The following WDPCP variants were observed in gnomAD, a reference collection of about 807,000 sequenced individuals.
WDPCP encodes the protein WD repeat-containing and planar cell polarity effector protein fritz homolog.
WDPCP carries 71 observed loss-of-function variants against 93.1 expected under a neutral mutation model. The observed-to-expected ratio is 0.76, with a 90% CI of 0.63 to 0.93. WDPCP has a LOEUF of 0.93. Among genes scored for constraint, WDPCP ranks in the 40% least tolerant of loss-of-function variants. WDPCP has a pLI of 0.00. For missense variants in WDPCP, 844 were observed against 887.4 expected (o/e 0.95, Z 0.62); for synonymous variants, 315 against 315.0 (o/e 1.00, Z 0.00).
intron 1 of WDPCP, among the ~76,000 whole-genome samples, chr2:63,821,438 C>A (rs1332829561): frequency 6.6e-6 from 1 of 152,146 alleles, no homozygotes; most frequent in African/African-American, 2.4e-5. Flanking sequence ...CTCCTGTGTT[C>A]CTTTGAGTGT....
intron 13 of WDPCP, among the ~76,000 whole-genome samples, chr2:63,275,594 A>T (rs1272442569): frequency 6.6e-6 from 1 of 152,252 alleles, no homozygotes; most frequent in South Asian, 2.1e-4. Context: ...CTATATATCA[A>T]TAATGAACTA....
intron 13 of WDPCP, among the ~76,000 whole-genome samples, chr2:63,299,886 T>A (rs1003841560): frequency 2.0e-5 from 3 of 152,092 alleles, no homozygotes; most frequent in Non-Finnish European, 2.9e-5. Flanking sequence ...AGCTGGGAGC[T>A]TGCATGGATG....
intron 9 of WDPCP, among the ~76,000 whole-genome samples, chr2:63,418,591 A>G (rs1369151817): frequency 2.0e-5 from 3 of 152,180 alleles, no homozygotes; most frequent in Admixed American, 1.3e-4. Context: ...TCTAATAACT[A>G]AAGAGTCTTA....
chr2:63,514,931 G>A (rs553180226), intron 1 of WDPCP, among the ~76,000 whole-genome samples: 3 of 152,128 alleles, frequency 2.0e-5, no homozygotes, highest in African/African-American at 7.2e-5. Context: ...AATTAGCCAG[G>A]GCCAGGGCTG....
At chr2:63,834,040 T>G in the WDPCP span, among the ~76,000 whole-genome samples, 12 of 152,348 alleles carry the variant, frequency 7.9e-5, no homozygotes, top group African/African-American at 2.9e-4. Flanking sequence ...GTTTTATTCC[T>G]TCTCACTAGG....
intron 2 of WDPCP, among the ~76,000 whole-genome samples, chr2:63,653,068 G>A (rs150152091): frequency 2.0e-5 from 3 of 152,200 alleles, no homozygotes; most frequent in Non-Finnish European, 2.9e-5. Context: ...CTTCCTGGAA[G>A]CAATTTCCTG....
chr2:63,577,687 C>A (rs1708208984), intron 1 of WDPCP, among the ~76,000 whole-genome samples: 1 of 152,056 alleles, frequency 6.6e-6, no homozygotes, highest in African/African-American at 2.4e-5. Flanking sequence ...TATATCCCCT[C>A]TAAAATTTTA....
At chr2:63,575,354 A>G (rs1244153625) in intron 1 of WDPCP, among the ~76,000 whole-genome samples, 4 of 111,026 alleles carry the variant, frequency 3.6e-5, no homozygotes, top group Admixed American at 2.6e-4. Flanking sequence ...TGTATATGGT[A>G]TATACAGTAT....
At chr2:63,725,507 A>G (rs570649837) in intron 2 of WDPCP, among the ~76,000 whole-genome samples, 1 of 152,292 alleles carries the variant, frequency 6.6e-6, no homozygotes, top group South Asian at 2.1e-4. Context: ...CAATGAATAT[A>G]TACATGCATG....
intron 17 of WDPCP, among the ~76,000 whole-genome samples, chr2:63,127,463 G>T (rs1422956647): frequency 6.6e-6 from 1 of 151,782 alleles, no homozygotes; most frequent in Admixed American, 6.6e-5. Context: ...AGGAAAGAAT[G>T]AGAATAGTTT....
At chr2:63,490,849 G>A (rs1261847525) in intron 2 of WDPCP, among the ~76,000 whole-genome samples, 3 of 152,186 alleles carry the variant, frequency 2.0e-5, no homozygotes, top group Non-Finnish European at 2.9e-5. Context: ...AGCTGGGTAG[G>A]AAGATAAGTG....
intron 2 of WDPCP, among the ~76,000 whole-genome samples, chr2:63,789,073 T>C (rs1670508156): frequency 6.6e-6 from 1 of 152,144 alleles, no homozygotes; most frequent in South Asian, 2.1e-4. Context: ...ACAACTATTT[T>C]TATTTCTATA....
intron 1 of WDPCP, among the ~76,000 whole-genome samples, chr2:63,543,096 T>C (rs1048002393): frequency 6.6e-6 from 1 of 152,124 alleles, no homozygotes; most frequent in African/African-American, 2.4e-5. Flanking sequence ...TTTCCAAAAA[T>C]GCTGTGATTT....
At chr2:63,406,990 G>A (rs371197726) in intron 9 of WDPCP, among the ~76,000 whole-genome samples, 9 of 152,062 alleles carry the variant, frequency 5.9e-5, no homozygotes, top group East Asian at 3.9e-4. Context: ...CAAAAATGCC[G>A]TTATTTGGGG....
chr2:63,813,296 G>C (rs972819031), intron 2 of WDPCP, among the ~76,000 whole-genome samples: 3 of 152,202 alleles, frequency 2.0e-5, no homozygotes, highest in African/African-American at 7.2e-5. Flanking sequence ...AGAAGCACAG[G>C]TTTCAGGAGA....
At chr2:63,137,450 G>T (rs561336532) in intron 17 of WDPCP, among the ~76,000 whole-genome samples, 1 of 152,104 alleles carries the variant, frequency 6.6e-6, no homozygotes, top group South Asian at 2.1e-4. Context: ...ATAGATGTTG[G>T]ACATTTGTCA....
In WDPCP at chr2:63,382,005, T is replaced by G; in HGVS notation, c.1525A>C (p.Ser509Arg). 6.2e-7 allele frequency: 1 copy of G among 1,613,542 alleles called. No homozygotes were observed. Among genetic ancestry groups the G allele is most frequent in the Non-Finnish European group, 8.5e-7 (1 of 1,179,734 alleles). Residue 509 changes from serine (S) to arginine (R), a missense_variant, in exon 11 of 18, where the codon AGC becomes CGC. By Grantham distance (110) the Ser-to-Arg change is moderately radical. Coordinates refer to ENST00000272321, the MANE Select transcript of WDPCP (RefSeq NM_015910.7). ...DEIYEAINIL[S>R]SMNWDTLGHQ... ...CCCAGAGTGTCCCAGTTCATGCTGC[T>G]CAGGATGTTTATTGCCTCATAGATC...
chr2:63,589,513 T>C (rs779226782), upstream of WDPCP: 71 of 869,198 alleles, frequency 8.2e-5, no homozygotes, highest in Non-Finnish European at 5.6e-5. Flanking sequence ...TACCAGGTGC[T>C]CCAGATTACG....
chr2:63,122,103 ATTGAC>A, intron 17 of WDPCP, 47 bp from the exon 18 acceptor site: 1 of 1,423,764 alleles, frequency 7.0e-7, no homozygotes, highest in Non-Finnish European at 9.9e-7. Flanking sequence ...GTAAAAAGTA[ATTGAC>A]TTAACATTTG....
Sources: allele counts gnomAD v4.1 joint callset (sites outside exome capture counted in the v4.1 genomes callset), GRCh38; gene constraint gnomAD v4.1.1; transcripts MANE v1.5; gene names NCBI Gene and HGNC (gene_info 2026-07-23, HGNC 2026-07-21).